The following ADAMTS6 variants were observed in gnomAD, a reference collection of about 807,000 sequenced individuals.
ADAMTS6 encodes the protein ADAM metallopeptidase with thrombospondin type 1 motif 6.
A neutral mutation model predicts 144.3 loss-of-function variants in ADAMTS6; 23 were observed. That is an observed-to-expected ratio of 0.16 (90% confidence interval 0.11 to 0.23). The LOEUF is 0.23. Among genes scored for constraint, ADAMTS6 ranks in the 10% least tolerant of loss-of-function variants. ADAMTS6 has a pLI of 1.00. For missense variants in ADAMTS6, 999 were observed against 1,379.6 expected (o/e 0.72, Z 4.37); for synonymous variants, 444 against 457.5 (o/e 0.97, Z 0.38).
At chr5:65,367,080 T>C (rs1408169742) in intron 7 of ADAMTS6, among the ~76,000 whole-genome samples, 2 of 152,136 alleles carry the variant, frequency 1.3e-5, no homozygotes, top group Admixed American at 6.5e-5. Context: ...CTTAAAAAAT[T>C]AGAGATAATC....
intron 9 of ADAMTS6, among the ~76,000 whole-genome samples, chr5:65,324,817 C>T (rs571541692): frequency 7.9e-5 from 12 of 152,228 alleles, no homozygotes; most frequent in African/African-American, 2.9e-4. Context: ...AAACACCATG[C>T]TACCAACCGT....
chr5:65,241,024 C>T (rs1427860161), intron 15 of ADAMTS6, among the ~76,000 whole-genome samples: 1 of 151,992 alleles, frequency 6.6e-6, no homozygotes, highest in African/African-American at 2.4e-5. Context: ...ACATTAATGA[C>T]TGCAATTTAC....
At chr5:65,390,600 A>C (rs1248533974) in intron 7 of ADAMTS6, among the ~76,000 whole-genome samples, 1 of 152,236 alleles carries the variant, frequency 6.6e-6, no homozygotes, top group Non-Finnish European at 1.5e-5. Flanking sequence ...CATATGTTCT[A>C]AAAGGAAAGA....
intron 7 of ADAMTS6, among the ~76,000 whole-genome samples, chr5:65,356,535 G>A (rs565107355): frequency 1.3e-5 from 2 of 152,014 alleles, no homozygotes; most frequent in South Asian, 4.1e-4. Context: ...GAGGACCAGA[G>A]AGCAGCTGGC....
At chr5:65,206,398 T>C (rs557005682) in intron 20 of ADAMTS6, among the ~76,000 whole-genome samples, 4 of 152,020 alleles carry the variant, frequency 2.6e-5, no homozygotes, top group African/African-American at 9.6e-5. Context: ...ATATAAATGG[T>C]CTTAAAAATC....
intron 7 of ADAMTS6, among the ~76,000 whole-genome samples, chr5:65,444,005 CAAAT>C (rs753523482): frequency 6.6e-5 from 10 of 152,154 alleles, no homozygotes; most frequent in East Asian, 5.8e-4. Context: ...AATAAATAAA[CAAAT>C]AAAAGTCATT....
chr5:65,363,856 CA>C (rs1334523424), intron 7 of ADAMTS6, among the ~76,000 whole-genome samples: 6 of 152,090 alleles, frequency 3.9e-5, no homozygotes. Flanking sequence ...ACCAACTATT[CA>C]AAAAGAATGA....
At chr5:65,168,119 G>C (rs1160418120) in intron 24 of ADAMTS6, among the ~76,000 whole-genome samples, 4 of 151,128 alleles carry the variant, frequency 2.6e-5, no homozygotes, top group African/African-American at 7.3e-5. Flanking sequence ...CGACATGATT[G>C]TTTATCTAGA....
At chr5:65,290,790 A>T (rs2112754226) in intron 11 of ADAMTS6, among the ~76,000 whole-genome samples, 1 of 152,246 alleles carries the variant, frequency 6.6e-6, no homozygotes. Context: ...ATAAATTATG[A>T]TGCCTACATT....
At chr5:65,432,867 G>A (rs1486348755) in intron 7 of ADAMTS6, among the ~76,000 whole-genome samples, 2 of 151,786 alleles carry the variant, frequency 1.3e-5, no homozygotes, top group African/African-American at 4.8e-5. Flanking sequence ...ACTTCATACT[G>A]GTACCTAGAA....
chr5:65,197,882 TCATA>T (rs534771265), intron 20 of ADAMTS6, among the ~76,000 whole-genome samples: 153 of 152,320 alleles, frequency 1.0e-3, no homozygotes, highest in African/African-American at 3.5e-3. Context: ...AAAAATATTC[TCATA>T]CAGTTTATAA....
At chr5:65,302,409 C>T (rs1743530428) in intron 9 of ADAMTS6, among the ~76,000 whole-genome samples, 1 of 148,582 alleles carries the variant, frequency 6.7e-6, no homozygotes, top group Non-Finnish European at 1.5e-5. Flanking sequence ...TTTCTCCCAG[C>T]CCCATATATG....
At chr5:65,272,119 C>G (rs1251317941) in intron 12 of ADAMTS6, among the ~76,000 whole-genome samples, 1 of 152,142 alleles carries the variant, frequency 6.6e-6, no homozygotes, top group Non-Finnish European at 1.5e-5. Flanking sequence ...TGCCCAAAAG[C>G]TTTCATTCTT....
intron 6 of ADAMTS6, 128 bp downstream of exon 6, chr5:65,452,005 A>T (rs1409030410): frequency 1.3e-6 from 1 of 758,684 alleles, no homozygotes; most frequent in Non-Finnish European, 2.0e-6. Flanking sequence ...GTGTAGAGCT[A>T]AAAATCATAT....
At position 65,156,298 on chromosome 5, in the gene ADAMTS6, T is replaced by TA. The variant is rs943230218; in HGVS notation, c.3245-4354dup. ...TTGAGCAGTACAACTTACTATTGTT[T>TA]AAAAAAAACACAAAAAAACGAAAAC... On this transcript the variant is annotated intron_variant, in intron 24 of 24. Transcript: ENST00000381055. Among the ~76,000 whole-genome samples the TA allele has an allele frequency of 6.1e-5, 9 of 147,806 alleles. 1 individual carries two copies. Among genetic ancestry groups the TA allele is most frequent in the South Asian group, 4.2e-4 (2 of 4,782 alleles).
At chr5:65,457,301 A>C (rs1473718799) in intron 4 of ADAMTS6, among the ~76,000 whole-genome samples, 1 of 152,214 alleles carries the variant, frequency 6.6e-6, no homozygotes, top group African/African-American at 2.4e-5. Flanking sequence ...GGCAAGAGAT[A>C]ATGAGGGTCT....
chr5:65,311,495 T>C (rs10940028), intron 9 of ADAMTS6, among the ~76,000 whole-genome samples: 42,471 of 152,022 alleles, frequency 0.28, 6,807 homozygotes, highest in South Asian at 0.39. Flanking sequence ...GATATTTTCC[T>C]TTGAAATGTC....
At chr5:65,430,210 G>A (rs1580690904) in intron 7 of ADAMTS6, among the ~76,000 whole-genome samples, 1 of 150,744 alleles carries the variant, frequency 6.6e-6, no homozygotes, top group Non-Finnish European at 1.5e-5. Flanking sequence ...ACCATTGAAG[G>A]GCTGAGATAT....
At chr5:65,280,590 A>T (rs1165198413) in intron 11 of ADAMTS6, among the ~76,000 whole-genome samples, 8 of 152,234 alleles carry the variant, frequency 5.3e-5, no homozygotes, top group Non-Finnish European at 8.8e-5. Flanking sequence ...CACACATGAA[A>T]AAAACAAGGC....
Sources: gnomAD v4.1 joint callset for allele counts (sites outside exome capture counted in the v4.1 genomes callset) on GRCh38, gnomAD v4.1.1 for gene constraint, MANE v1.5 for transcripts, NCBI Gene and HGNC (gene_info 2026-07-23, HGNC 2026-07-21) for gene names.